Variants in DENND5B observed in about 807,000 individuals in gnomAD.
DENND5B encodes DENN domain-containing protein 5B.
Under a neutral mutation model 140.6 loss-of-function variants are expected in DENND5B, and 34 were observed. The observed-to-expected ratio is 0.24, with a 90% CI of 0.18 to 0.32. The LOEUF (loss-of-function observed/expected upper bound fraction) is 0.32, where lower values mean the gene tolerates loss of function less well. Ranked by LOEUF, DENND5B falls within the 10% of genes least tolerant of loss-of-function variation. The pLI, the probability that DENND5B is intolerant of heterozygous loss-of-function variation, is 1.00. For missense variants in DENND5B, 1,142 were observed against 1,560.2 expected (o/e 0.73, Z 4.52); for synonymous variants, 551 against 562.1 (o/e 0.98, Z 0.28).
intron 1 of DENND5B, among the ~76,000 whole-genome samples, chr12:31,522,317 C>G (rs924395365): frequency 6.6e-6 from 1 of 152,196 alleles, no homozygotes; most frequent in Admixed American, 6.5e-5. Flanking sequence ...ATATCAGGAA[C>G]TAAAATTTGC....
chr12:31,460,458 ATCTT>A, intron 3 of DENND5B, 77 bp from the exon 4 acceptor site: 1 of 1,438,080 alleles, frequency 7.0e-7, no homozygotes, highest in African/African-American at 1.4e-5. Flanking sequence ...GAAAATGTGG[ATCTT>A]AAGAAAAAAA....
chr12:31,449,323 G>A (rs567168137), intron 5 of DENND5B, among the ~76,000 whole-genome samples: 19 of 152,300 alleles, frequency 1.2e-4, no homozygotes, highest in African/African-American at 4.6e-4. Context: ...TAGTTCAGGT[G>A]TATATACATA....
At chr12:31,511,001 C>T (rs903592550) in intron 1 of DENND5B, among the ~76,000 whole-genome samples, 3 of 152,120 alleles carry the variant, frequency 2.0e-5, no homozygotes, top group South Asian at 2.1e-4. Flanking sequence ...GAGGTCAAGG[C>T]GGGGGAAATA....
chr12:31,531,030 T>C (rs2139082152), intron 1 of DENND5B, among the ~76,000 whole-genome samples: 1 of 152,336 alleles, frequency 6.6e-6, no homozygotes, highest in Admixed American at 6.5e-5. Flanking sequence ...TTCAACACAG[T>C]TCATTATGCA....
chr12:31,451,706 C>T, intron 5 of DENND5B: 2 of 483,880 alleles, frequency 4.1e-6, no homozygotes, highest in Non-Finnish European at 7.2e-6. Flanking sequence ...ATTTAATGAC[C>T]AGTTCAATGA....
intron 6 of DENND5B, among the ~76,000 whole-genome samples, chr12:31,447,232 C>T (rs1238313435): frequency 6.6e-6 from 1 of 152,172 alleles, no homozygotes; most frequent in African/African-American, 2.4e-5. Context: ...GATTGCGCCA[C>T]TGCACTCTAG....
chr12:31,480,085 G>A lies in DENND5B; in HGVS notation c.408C>T (p.Tyr136=), dbSNP rs371056649. ...TGTAATGCTCAGCGTTGTGCATCTG[G>A]TAAAGTGTCTGCATTGCTGTGCAGA... ...KQICTAMQTL[Y]QMHNAEHYSS... The change falls in exon 3 of 21, where the codon TAC becomes TAT. Residue 136 remains tyrosine (Y), a synonymous_variant. Coordinates refer to ENST00000389082, the MANE Select transcript of DENND5B (RefSeq NM_144973.4). 35 of 1,613,766 alleles carry A rather than the reference G, an allele frequency of 2.2e-5. No homozygotes were observed. In the African/African-American group the frequency reaches 3.9e-4, roughly 18 times the overall value.
intron 16 of DENND5B, among the ~76,000 whole-genome samples, chr12:31,399,410 C>T (rs1308898794): frequency 6.6e-6 from 1 of 150,724 alleles, no homozygotes; most frequent in African/African-American, 2.4e-5. Flanking sequence ...TCCCAAGTAG[C>T]TGGGATTACA....
chr12:31,561,810 T>C (rs1255812873), intron 1 of DENND5B, among the ~76,000 whole-genome samples: 1 of 152,208 alleles, frequency 6.6e-6, no homozygotes, highest in Non-Finnish European at 1.5e-5. Context: ...AAATGAGGTA[T>C]AAATATCAAA....
intron 4 of DENND5B, among the ~76,000 whole-genome samples, chr12:31,454,407 G>A (rs941830292): frequency 2.6e-5 from 4 of 152,006 alleles, no homozygotes; most frequent in East Asian, 1.9e-4. Context: ...CTGAAATGTC[G>A]CATCTTGCTG....
intron 3 of DENND5B, among the ~76,000 whole-genome samples, chr12:31,472,056 C>G (rs1390170906): frequency 6.6e-6 from 1 of 152,096 alleles, no homozygotes; most frequent in East Asian, 1.9e-4. Context: ...CATCCGTTAC[C>G]CAGGGCAAAT....
At chr12:31,410,388 T>C (rs1489731294) in intron 13 of DENND5B, among the ~76,000 whole-genome samples, 2 of 152,146 alleles carry the variant, frequency 1.3e-5, no homozygotes, top group Non-Finnish European at 2.9e-5. Context: ...TATTAGTGCC[T>C]TTTTATTATT....
At chr12:31,446,052 AC>A (rs1360326341) in intron 6 of DENND5B, among the ~76,000 whole-genome samples, 1 of 152,118 alleles carries the variant, frequency 6.6e-6, no homozygotes, top group African/African-American at 2.4e-5. Flanking sequence ...ATGATGACTG[AC>A]ATAGTAAATA....
chr12:31,536,007 C>T (rs1321427524), intron 1 of DENND5B, among the ~76,000 whole-genome samples: 2 of 152,012 alleles, frequency 1.3e-5, no homozygotes, highest in African/African-American at 4.8e-5. Flanking sequence ...AGTGAGTTAT[C>T]GCAAGATCTG....
At chr12:31,442,675 G>A in intron 7 of DENND5B, 100 bp downstream of exon 7, 1 of 1,265,624 alleles carries the variant, frequency 7.9e-7, no homozygotes, top group South Asian at 2.1e-5. Context: ...AAAGTAATCA[G>A]ATAGATGTTT....
intron 1 of DENND5B, among the ~76,000 whole-genome samples, chr12:31,548,802 C>T (rs1401478151): frequency 6.6e-6 from 1 of 152,202 alleles, no homozygotes; most frequent in African/African-American, 2.4e-5. Context: ...GTCAGAACTA[C>T]AGTCCCCATA....
chr12:31,406,993 T>G (rs1012055615), intron 14 of DENND5B, among the ~76,000 whole-genome samples: 1 of 151,896 alleles, frequency 6.6e-6, no homozygotes, highest in Non-Finnish European at 1.5e-5. Context: ...AGAGATGAGG[T>G]TTCACCATGT....
At position 31,536,659 on chromosome 12, in the gene DENND5B, A is replaced by T. The variant is rs940439129; in HGVS notation, c.128-40740T>A. 1.1e-4 allele frequency among the ~76,000 whole-genome samples: 14 copies of T among 127,852 alleles called. No homozygotes were observed. In the East Asian group the frequency reaches 1.4e-3, roughly 13 times the overall value. The allele number at this position is 127,852 out of a possible 152,430, so 83.9% of individuals were successfully genotyped here. ...AGAGATAGGAATAGAAGATGTATTT[A>T]AAAAAAAAAGTTTATTCAAAGAAAT... On this transcript the variant is annotated intron_variant, in intron 1 of 20. Coordinates refer to ENST00000389082, the MANE Select transcript of DENND5B (RefSeq NM_144973.4).
intron 1 of DENND5B, among the ~76,000 whole-genome samples, chr12:31,519,778 TA>T (rs1838020285): frequency 6.6e-6 from 1 of 152,250 alleles, no homozygotes; most frequent in East Asian, 1.9e-4. Flanking sequence ...AGAATTTTTT[TA>T]TAACAGCTTT....
Sources: allele counts gnomAD v4.1 joint callset (sites outside exome capture counted in the v4.1 genomes callset), GRCh38; gene constraint gnomAD v4.1.1; transcripts MANE v1.5; gene names NCBI Gene and HGNC (gene_info 2026-07-23, HGNC 2026-07-21).